The following KIAA1671 variants were observed in gnomAD, a reference collection of about 807,000 sequenced individuals.
KIAA1671 encodes the protein KIAA1671.
Under a neutral mutation model 131.2 loss-of-function variants are expected in KIAA1671, and 52 were observed. The observed-to-expected ratio is 0.40, with a 90% CI of 0.32 to 0.50. KIAA1671 has a LOEUF of 0.50. Ranked by LOEUF, KIAA1671 falls within the 20% of genes least tolerant of loss-of-function variation. The probability of loss-of-function intolerance (pLI) is 0.73; values close to 1 mark genes in which losing one functional copy is unlikely to be tolerated. For synonymous variants in KIAA1671, 1,003 were observed against 961.6 expected (o/e 1.04, Z -0.80); for missense variants, 2,360 against 2,364.2 (o/e 1.00, Z 0.04).
intron 6 of KIAA1671, chr22:25,058,805 T>C (rs576555692): frequency 1.3e-5 from 2 of 152,156 alleles, no homozygotes; most frequent in Non-Finnish European, 2.9e-5. Context: ...GCAGGAATCA[T>C]CTGGAAGCCT....
chr22:25,151,122 C>G (rs992896764), intron 6 of KIAA1671, among the ~76,000 whole-genome samples: 1 of 151,982 alleles, frequency 6.6e-6, no homozygotes, highest in African/African-American at 2.4e-5. Context: ...GCGTGAGCCA[C>G]TGCGCCCGGC....
chr22:25,027,947 A>G lies in KIAA1671; in HGVS notation c.-53A>G, dbSNP rs1926040648. ...GTTTGTTTGTTTTGTTTGTTTAGCA[A>G]TTGCTTCTCCATTCTTGAAGTTCCT... On this transcript the variant is annotated splice_region_variant and 5_prime_UTR_variant, in exon 3 of 13. Transcript: ENST00000358431. 7.6e-7 allele frequency: 1 copy of G among 1,314,788 alleles called. No individual in the cohort carries two copies. Among genetic ancestry groups the G allele is most frequent in the East Asian group, 2.6e-5 (1 of 38,878 alleles). 81.4% of individuals were successfully genotyped at this position (1,314,788 alleles called of 1,614,324 possible).
At chr22:24,986,982 A>G (rs773046156) in intron 1 of KIAA1671, among the ~76,000 whole-genome samples, 1 of 151,820 alleles carries the variant, frequency 6.6e-6, no homozygotes, top group Non-Finnish European at 1.5e-5. Context: ...CCTCTGTCAC[A>G]CCTGCTGACC....
chr22:25,104,653 A>G (rs1930896045), intron 6 of KIAA1671, among the ~76,000 whole-genome samples: 1 of 152,124 alleles, frequency 6.6e-6, no homozygotes, highest in South Asian at 2.1e-4. Flanking sequence ...TTCTTTCCTC[A>G]ACCTTTGAAT....
chr22:25,013,871 G>C (rs1400838788), intron 1 of KIAA1671: 1 of 152,214 alleles, frequency 6.6e-6, no homozygotes, highest in Non-Finnish European at 1.5e-5. Context: ...AAAACTCCAA[G>C]TGAGGGCAAG....
intron 6 of KIAA1671, among the ~76,000 whole-genome samples, chr22:25,113,652 G>T (rs951628608): frequency 1.3e-5 from 2 of 152,226 alleles, no homozygotes; most frequent in Non-Finnish European, 2.9e-5. Flanking sequence ...AGAGCAGGCA[G>T]TTGCAAATGC....
intron 10 of KIAA1671, among the ~76,000 whole-genome samples, chr22:25,183,018 A>C (rs1934344547): frequency 6.6e-6 from 1 of 152,108 alleles, no homozygotes; most frequent in African/African-American, 2.4e-5. Context: ...TGTCTCTCAT[A>C]GTCCTGGAAC....
At chr22:25,065,007 C>T (rs970458256) in intron 6 of KIAA1671, 13 of 152,216 alleles carry the variant, frequency 8.5e-5, no homozygotes, top group East Asian at 1.9e-4. Flanking sequence ...CATTTTTTGC[C>T]GTTGGCATTA....
chr22:25,174,552 C>A, intron 8 of KIAA1671, 63 bp downstream of exon 8: 1 of 1,461,618 alleles, frequency 6.8e-7, no homozygotes, highest in South Asian at 1.4e-5. Flanking sequence ...CTGTGAATTG[C>A]CACTTCAGGT....
Position 25,040,851 on chromosome 22 carries a change from G to A in KIAA1671, c.3721G>A (p.Gly1241Ser), listed in dbSNP as rs1926880485. The change falls in exon 5 of 13, where the codon GGC (glycine) becomes AGC (serine). Residue 1241 changes from glycine (G) to serine (S), a missense_variant. This residue lies in a region of KIAA1671 where 1,161 missense variants were observed against 1,204.7 expected (regional missense o/e 0.96). Transcript: ENST00000358431. ...GCCTCGGGAGAGGCCTGTTCAGCTG[G>A]GCGGGGTGGAGCAGAGAAGGAGGAG... ...TLPRERPVQL[G>S]GVEQRRRSLK... is the part of the protein sequence containing the mutation. 1.9e-6 allele frequency: 3 copies of A among 1,549,194 alleles called. No individual in the cohort carries two copies. The highest frequency in any genetic ancestry group is 1.4e-5 in the African/African-American group (1 of 72,964).
Position 25,020,453 on chromosome 22 carries a change from A to C in KIAA1671, c.-207-5180A>C, listed in dbSNP as rs1437015867. On this transcript the variant is annotated intron_variant, in intron 1 of 12. Transcript: ENST00000358431. ...CACACTCACGTCTACATTGAATATT[A>C]TTTTCTTCTCTTCAGGTGTTTTTTG... 2.0e-5 allele frequency among the ~76,000 whole-genome samples: 3 copies of C among 152,118 alleles called. No individual in the cohort carries two copies. The East Asian group carries it at 5.8e-4, about 29-fold the overall frequency.
At chr22:25,178,586 G>A (rs1361442578) in intron 9 of KIAA1671, among the ~76,000 whole-genome samples, 71 of 152,350 alleles carry the variant, frequency 4.7e-4, no homozygotes, top group African/African-American at 1.6e-3. Context: ...CTGAGTGGGG[G>A]ACTGTCCATG....
At chr22:25,021,966 T>G (rs1925695828) in intron 1 of KIAA1671, among the ~76,000 whole-genome samples, 1 of 152,022 alleles carries the variant, frequency 6.6e-6, no homozygotes, top group Non-Finnish European at 1.5e-5. Flanking sequence ...TTTTGTATTT[T>G]TAGTAGAGAT....
At chr22:25,085,970 T>C (rs1239080972) in intron 6 of KIAA1671, among the ~76,000 whole-genome samples, 1 of 152,122 alleles carries the variant, frequency 6.6e-6, no homozygotes. Context: ...TATCTTTGTA[T>C]CCCTGTCACG....
intron 1 of KIAA1671, among the ~76,000 whole-genome samples, chr22:24,987,452 TGA>T (rs1367327184): frequency 1.3e-5 from 2 of 152,102 alleles, no homozygotes; most frequent in Non-Finnish European, 2.9e-5. Flanking sequence ...ATTACAGGTG[TGA>T]GCCACTGCGC....
At chr22:24,987,898 C>T (rs889458385) in intron 1 of KIAA1671, among the ~76,000 whole-genome samples, 47 of 152,178 alleles carry the variant, frequency 3.1e-4, no homozygotes, top group African/African-American at 1.1e-3. Context: ...GTCTCTGACC[C>T]CTGTCATGTC....
chr22:25,041,595 A>T, intron 5 of KIAA1671, 70 bp downstream of exon 5: 1 of 1,428,876 alleles, frequency 7.0e-7, no homozygotes, highest in Non-Finnish European at 9.2e-7. Context: ...GCCGAAACTC[A>T]GATTTTGTGT....
In KIAA1671 at chr22:25,044,038, C is replaced by T. The variant is rs1283756288; in HGVS notation, c.4395+2513C>T. Among the ~76,000 whole-genome samples, 6 of 151,456 alleles carry T rather than the reference C, an allele frequency of 4.0e-5. No homozygotes were observed. The East Asian group carries it at 1.2e-3, about 29-fold the overall frequency. On this transcript the variant is annotated intron_variant, in intron 5 of 12. Transcript: ENST00000358431. ...GTAATGATCATGCGGTGAGGATTTG[C>T]CTTCAGTTAAGAGTGGGTAAGTGAT...
chr22:25,129,096 G>C (rs1193383265), intron 6 of KIAA1671, among the ~76,000 whole-genome samples: 1 of 151,898 alleles, frequency 6.6e-6, no homozygotes, highest in Non-Finnish European at 1.5e-5. Context: ...TTTGAGCCAA[G>C]TCAGTGGTCC....
Sources: gnomAD v4.1 joint callset for allele counts (sites outside exome capture counted in the v4.1 genomes callset) on GRCh38, gnomAD v4.1.1 for gene constraint, gnomAD v4.1.1 regional missense constraint, MANE v1.5 for transcripts, NCBI Gene and HGNC (gene_info 2026-07-23, HGNC 2026-07-21) for gene names.